The following TCHP variants were observed in gnomAD, a reference collection of about 807,000 sequenced individuals.
TCHP encodes the protein trichoplein keratin filament binding.
TCHP carries 81 observed loss-of-function variants against 88.7 expected under a neutral mutation model. The observed-to-expected ratio is 0.91, with a 90% CI of 0.76 to 1.10. The LOEUF (loss-of-function observed/expected upper bound fraction) is 1.10. Ranked by LOEUF, TCHP falls within the 50% of genes least tolerant of loss-of-function variation. TCHP has a pLI of 0.00. For synonymous variants in TCHP, 232 were observed against 232.5 expected, an observed-to-expected ratio of 1.00 and a Z score of 0.02; for missense variants, 641 against 632.1, an observed-to-expected ratio of 1.01 and a Z score of -0.15.
At chr12:109,881,268 T>A in the TCHP span, among the ~76,000 whole-genome samples, 1 of 152,208 alleles carries the variant, frequency 6.6e-6, no homozygotes, top group African/African-American at 2.4e-5. Flanking sequence ...ACTTTGTAAC[T>A]TCACATTCAT....
intron 12 of TCHP, 128 bp from the exon 13 acceptor site, chr12:109,916,463 G>C (rs1305602250): frequency 1.9e-6 from 2 of 1,063,378 alleles, no homozygotes; most frequent in Non-Finnish European, 2.7e-6. Flanking sequence ...CTTAGGGTCA[G>C]ATTTTTTCAG....
chr12:109,910,406 T>C (rs1387063775), intron 8 of TCHP, among the ~76,000 whole-genome samples: 1 of 152,198 alleles, frequency 6.6e-6, no homozygotes, highest in Non-Finnish European at 1.5e-5. Flanking sequence ...AGCCTCAACC[T>C]GCCAGGCTCA....
chr12:109,915,592 C>T, intron 12 of TCHP, 46 bp downstream of exon 12: 1 of 1,562,036 alleles, frequency 6.4e-7, no homozygotes, highest in Non-Finnish European at 8.7e-7. Flanking sequence ...AAGACAGACT[C>T]TGCCCGGCCC....
At chr12:109,908,768 T>C in intron 7 of TCHP, 70 bp downstream of exon 7, 1 of 1,560,404 alleles carries the variant, frequency 6.4e-7, no homozygotes, top group Non-Finnish European at 8.8e-7. Flanking sequence ...CTTGCATTCG[T>C]GTTGCTGAAA....
At position 109,916,863 on chromosome 12, in the gene TCHP, C is replaced by T; in HGVS notation, c.*240C>T. The T allele has an allele frequency of 1.9e-6, 1 of 522,602 alleles. No homozygotes were observed. Among genetic ancestry groups the T allele is most frequent in the Non-Finnish European group, 3.4e-6 (1 of 296,276 alleles). 32.4% of individuals were successfully genotyped at this position (522,602 alleles called of 1,614,324 possible). A position where few individuals can be genotyped will look rare whatever the true frequency, so the allele number is the denominator to read the frequency against. Reference sequence around the variant, plus strand: ...AGGGTCTTTGATGGGCACGTGTTTACAGCGCTGCTGCATAGTCTTGTAATA... The same window carrying T: ...AGGGTCTTTGATGGGCACGTGTTTATAGCGCTGCTGCATAGTCTTGTAATA... On this transcript the variant is annotated 3_prime_UTR_variant, in exon 13 of 13. Transcript: ENST00000405876.
chr12:109,916,696 A>C lies in TCHP; in HGVS notation c.*73A>C, dbSNP rs1461565855. The stretch of plus-strand genomic sequence containing the variant: ...GATCCCAGCCGCCAGGCAGTTTTAC[A>C]GGGCTCTGTTAACAGTAAGTGCCCG... On this transcript the variant is annotated 3_prime_UTR_variant, in exon 13 of 13. Coordinates refer to ENST00000405876, the MANE Select transcript of TCHP (RefSeq NM_001143852.2). 4 of 1,515,258 alleles carry C rather than the reference A, an allele frequency of 2.6e-6. No homozygotes were observed. Among genetic ancestry groups the C allele is most frequent in the East Asian group, 4.5e-5 (2 of 44,128 alleles). 93.9% of individuals were successfully genotyped at this position (1,515,258 alleles called of 1,614,324 possible).
chr12:109,912,906 GTGCCCTGC>G (rs1870586857), intron 9 of TCHP, 77 bp from the exon 10 acceptor site: 2 of 1,074,910 alleles, frequency 1.9e-6, no homozygotes, highest in Non-Finnish European at 2.9e-6. Context: ...CAGAAGCCAT[GTGCCCTGC>G]AGCCCTGTCT....
chr12:109,885,731 T>G, the TCHP span, among the ~76,000 whole-genome samples: 11 of 151,856 alleles, frequency 7.2e-5, no homozygotes, highest in Non-Finnish European at 1.5e-4. Flanking sequence ...TCCGCCCTCC[T>G]CGGCCTCGCA....
Position 109,914,622 on chromosome 12 carries a change from G to T in TCHP, c.1315G>T (p.Ala439Ser), listed in dbSNP as rs1341219499. 6.2e-7 allele frequency: 1 copy of T among 1,610,532 alleles called. No homozygotes were observed. The part of the protein sequence containing the change: ...LKSARKQELE[A>S]QVAERRLQAW... ...ATCGGCCAGGAAGCAGGAGCTGGAA[G>T]CCCAGGTAGGGCTGAGCCCAAGGGC... The change falls in exon 11 of 13, where the codon GCC (alanine) becomes TCC (serine). Residue 439 changes from alanine to serine, a missense_variant. Ala to Ser is a moderately conservative substitution (Grantham distance 99, BLOSUM62 1). Coordinates refer to ENST00000405876, the MANE Select transcript of TCHP (RefSeq NM_001143852.2).
intron 1 of TCHP, chr12:109,900,948 A>G (rs1869754201): frequency 6.6e-6 from 1 of 152,260 alleles, no homozygotes; most frequent in African/African-American, 2.4e-5. Context: ...GGTCAGGGGA[A>G]TTGGTGCCTG....
At position 109,904,060 on chromosome 12, in the gene TCHP, G is replaced by A. The variant is rs1869976444; in HGVS notation, c.312G>A (p.Glu104=). ...ACCTGCTGGCCAGAGAACTGGAGGA[G>A]CTGAGGCTGAGCATGAACTTGCAGG... ...EQDLLARELE[E]LRLSMNLQER... The change falls in exon 3 of 13, where the codon GAG becomes GAA. Residue 104 remains glutamate, a synonymous_variant. Transcript: ENST00000405876. 6.2e-7 allele frequency: 1 copy of A among 1,604,572 alleles called. No individual in the cohort carries two copies. Among genetic ancestry groups the A allele is most frequent in the African/African-American group, 1.3e-5 (1 of 74,858 alleles).
Position 109,904,078 on chromosome 12 carries a change from C to G in TCHP, c.330C>G (p.Asn110Lys), listed in dbSNP as rs763807261. The G allele has an allele frequency of 1.2e-6, 2 of 1,600,922 alleles. No individual in the cohort carries two copies. The highest frequency in any genetic ancestry group is 2.3e-5 in the South Asian group (2 of 88,770). ...TGGAGGAGCTGAGGCTGAGCATGAA[C>G]TTGCAGGAAAGAAGAATCCGGGAGC... ...RELEELRLSM[N>K]LQERRIREQH... is the part of the protein sequence containing the mutation. The change falls in exon 3 of 13, where the codon AAC (asparagine) becomes AAG (lysine). Residue 110 changes from asparagine (N) to lysine (K), a missense_variant. Coordinates refer to ENST00000405876, the MANE Select transcript of TCHP (RefSeq NM_001143852.2).
upstream of TCHP, among the ~76,000 whole-genome samples, chr12:109,896,327 G>A (rs1869556779): frequency 6.6e-6 from 1 of 152,188 alleles, no homozygotes; most frequent in Non-Finnish European, 1.5e-5. Flanking sequence ...AGTCTCAGAG[G>A]TTTGTTGTAA....
chr12:109,904,695 G>A lies in TCHP; in HGVS notation c.400-42G>A, dbSNP rs776456850. 8.8e-6 allele frequency: 14 copies of A among 1,593,592 alleles called. No homozygotes were observed. In the East Asian group the frequency reaches 2.7e-4, roughly 30 times the overall value. On this transcript the variant is annotated intron_variant, in intron 3 of 12. Coordinates refer to ENST00000405876, the MANE Select transcript of TCHP (RefSeq NM_001143852.2). ...TGTCATCCAAAATGTGAATGGATTTGAAAAATGACATCAGGCTTTCCATTT... is the reference window on the plus strand; with the variant it reads ...TGTCATCCAAAATGTGAATGGATTTAAAAAATGACATCAGGCTTTCCATTT...
chr12:109,909,046 T>C (rs1870331579), intron 8 of TCHP, 109 bp downstream of exon 8: 9 of 1,075,262 alleles, frequency 8.4e-6, no homozygotes, highest in Non-Finnish European at 1.2e-5. Flanking sequence ...CAGTGAGGGG[T>C]TGGGGGAAAG....
At chr12:109,909,367 C>T (rs1353393496) in intron 8 of TCHP, among the ~76,000 whole-genome samples, 1 of 152,208 alleles carries the variant, frequency 6.6e-6, no homozygotes, top group Non-Finnish European at 1.5e-5. Context: ...CCCCCTTGAC[C>T]AGCACCTGCA....
the TCHP span, among the ~76,000 whole-genome samples, chr12:109,891,915 G>A: frequency 6.6e-6 from 1 of 152,022 alleles, no homozygotes; most frequent in South Asian, 2.1e-4. Flanking sequence ...TCACCATATT[G>A]GCCAAGCTGG....
intron 8 of TCHP, among the ~76,000 whole-genome samples, chr12:109,910,811 TGTGGTG>T (rs950244484): frequency 2.0e-5 from 3 of 152,222 alleles, no homozygotes; most frequent in African/African-American, 7.2e-5. Context: ...TCCGAGGGCA[TGTGGTG>T]GTGGCTGGGT....
chr12:109,896,438 C>T (rs755473251), upstream of TCHP, among the ~76,000 whole-genome samples: 162 of 152,280 alleles, frequency 1.1e-3, no homozygotes, highest in South Asian at 2.9e-3. Context: ...GGAACAAACT[C>T]CTCCCAGGTT....
Sources: allele counts gnomAD v4.1 joint callset (sites outside exome capture counted in the v4.1 genomes callset), GRCh38; gene constraint gnomAD v4.1.1; transcripts MANE v1.5; gene names NCBI Gene and HGNC (gene_info 2026-07-23, HGNC 2026-07-21).